The following CREBBP variants were observed in gnomAD, a reference collection of about 807,000 sequenced individuals.
CREBBP encodes CREB-binding protein.
A neutral mutation model predicts 265.0 loss-of-function variants in CREBBP; 19 were observed. The observed-to-expected ratio is 0.07, with a 90% CI of 0.05 to 0.11. CREBBP has a LOEUF of 0.11. Among genes scored for constraint, CREBBP ranks in the 10% least tolerant of loss-of-function variants. CREBBP has a pLI of 1.00. For missense variants in CREBBP, 2,525 were observed against 3,219.0 expected, an observed-to-expected ratio of 0.78 and a Z score of 5.22; for synonymous variants, 1,457 against 1,223.7, an observed-to-expected ratio of 1.19 and a Z score of -3.98.
Position 3,769,311 on chromosome 16 carries a change from G to T in CREBBP, c.2923C>A (p.Pro975Thr), listed in dbSNP as rs1395652583. ...GTTTCTGCGCTGGCCACCGAGGAGG[G>T]GGTAGGGACTCTGTTATCAATGCTG... ...AASIDNRVPTPSSVASAETNS... is the reference protein window; with the variant it reads ...AASIDNRVPTTSSVASAETNS... The change falls in exon 15 of 31, where the codon CCC becomes ACC. Residue 975 changes from proline to threonine, a missense_variant. Coordinates refer to ENST00000262367, the MANE Select transcript of CREBBP (RefSeq NM_004380.3). 1.9e-6 allele frequency: 3 copies of T among 1,614,144 alleles called. No individual in the cohort carries two copies. Among genetic ancestry groups the T allele is most frequent in the Non-Finnish European group, 2.5e-6 (3 of 1,180,034 alleles).
At chr16:3,734,902 C>G (rs1357262130) in intron 28 of CREBBP, among the ~76,000 whole-genome samples, 1 of 152,188 alleles carries the variant, frequency 6.6e-6, no homozygotes, top group African/African-American at 2.4e-5. Flanking sequence ...CCAGCCGGCT[C>G]CCGGCTGCCT....
intron 5 of CREBBP, among the ~76,000 whole-genome samples, chr16:3,787,421 T>C (rs909720986): frequency 2.0e-5 from 3 of 152,130 alleles, no homozygotes; most frequent in Non-Finnish European, 4.4e-5. Context: ...TCAGGGTCAA[T>C]CAAGCCCACC....
rs567249411 is a variant in CREBBP, at chr16:3,772,468, T to C, written c.2463+1283A>G. 4.2e-4 allele frequency among the ~76,000 whole-genome samples: 64 copies of C among 152,174 alleles called. 1 individual carries two copies. The highest frequency in any genetic ancestry group is 8.5e-4 in the Admixed American group (13 of 15,284). On this transcript the variant is annotated intron_variant, in intron 13 of 30. Coordinates refer to ENST00000262367, the MANE Select transcript of CREBBP (RefSeq NM_004380.3). ...TTTAAAAATGATTCTGAATCACTGT[T>C]CTAGAGCAGGGGTTGGCAATCTCCC...
chr16:3,757,794 A>C lies in CREBBP; in HGVS notation c.3609+15T>G. 6.2e-7 allele frequency: 1 copy of C among 1,613,818 alleles called. No homozygotes were observed. On this transcript the variant is annotated intron_variant, in intron 18 of 30. Coordinates refer to ENST00000262367, the MANE Select transcript of CREBBP (RefSeq NM_004380.3). ...ACCAGGAAAATTCACTTTCCGGAAA[A>C]ACTTAAAACTGTACCTTGCGTCCAC... is the stretch of plus-strand genomic sequence containing the variant.
At chr16:3,877,220 T>C (rs532025121) in intron 1 of CREBBP, among the ~76,000 whole-genome samples, 3 of 152,318 alleles carry the variant, frequency 2.0e-5, no homozygotes, top group Admixed American at 1.3e-4. Context: ...ATCCCGTCAC[T>C]AAAATAAGAT....
Position 3,731,386 on chromosome 16 carries a change from G to A in CREBBP, c.4978C>T (p.Leu1660Phe), listed in dbSNP as rs1364972669. 1 of 1,611,952 alleles carries A rather than the reference G, an allele frequency of 6.2e-7. No homozygotes were observed. The highest frequency in any genetic ancestry group is 8.5e-7 in the Non-Finnish European group (1 of 1,179,272). The change falls in exon 30 of 31, where the codon CTC becomes TTC. Residue 1660 changes from leucine to phenylalanine, a missense_variant. Around this residue, in one of 19 missense-constraint regions of CREBBP, gnomAD observed 37 missense variants for 34.1 expected, o/e 1.09. Coordinates refer to ENST00000262367, the MANE Select transcript of CREBBP (RefSeq NM_004380.3). The surrounding 1 kb of genome is among the most constrained non-coding windows in gnomAD (Gnocchi z 7.7). Reference sequence around the variant, plus strand: ...AGGAAGGCGTCGCGCCCATCCATGAGGTCACAGCTGAGCAGGGGGTCGGGG... The same window carrying A: ...AGGAAGGCGTCGCGCCCATCCATGAAGTCACAGCTGAGCAGGGGGTCGGGG... ...VDPDPLLSCD[L>F]MDGRDAFLTL...
At chr16:3,733,551 C>T (rs1197855153) in intron 28 of CREBBP, among the ~76,000 whole-genome samples, 1 of 152,130 alleles carries the variant, frequency 6.6e-6, no homozygotes, top group East Asian at 1.9e-4. Flanking sequence ...AGCAAATGTG[C>T]CACACTAAGG....
rs1049802361 is a variant in CREBBP at position 3,774,790 on chromosome 16, C to T, written c.2159-97G>A. 2.3e-5 allele frequency: 34 copies of T among 1,474,622 alleles called. No individual in the cohort carries two copies. In the East Asian group the frequency reaches 2.5e-4, roughly 11 times the overall value. The allele number at this position is 1,474,622 out of a possible 1,614,324, so 91.3% of individuals were successfully genotyped here. ...AACTCTTAAGTAAAATAAGATGGAA[C>T]GCACAGGCAACAGAAAACTGAAAAG... On this transcript the variant is annotated intron_variant, in intron 11 of 30. Transcript: ENST00000262367.
chr16:3,775,740 G>A (rs2053122313), intron 11 of CREBBP, among the ~76,000 whole-genome samples: 1 of 152,168 alleles, frequency 6.6e-6, no homozygotes, highest in Non-Finnish European at 1.5e-5. Context: ...TGTGCTGGTA[G>A]GGAGGTTGCT....
chr16:3,743,949 G>A (rs879501666), intron 23 of CREBBP, among the ~76,000 whole-genome samples: 2 of 152,000 alleles, frequency 1.3e-5, no homozygotes, highest in Non-Finnish European at 2.9e-5. Flanking sequence ...GGTGGCGGGC[G>A]CCTGTAGTCC....
At chr16:3,820,849 A>AGAATGTGACTTAGAAGAAGAGT (rs2054128677) in intron 2 of CREBBP, among the ~76,000 whole-genome samples, 1 of 152,218 alleles carries the variant, frequency 6.6e-6, no homozygotes, top group Non-Finnish European at 1.5e-5. Flanking sequence ...AGCCACGACC[A>AGAATGTGACTTAGAAGAAGAGT]GAATGTGACT....
chr16:3,852,143 C>T (rs2054860091), intron 1 of CREBBP, among the ~76,000 whole-genome samples: 1 of 139,640 alleles, frequency 7.2e-6, no homozygotes, highest in African/African-American at 2.7e-5. Flanking sequence ...GACAGTAAAG[C>T]CAATCTTAAA....
intron 2 of CREBBP, among the ~76,000 whole-genome samples, chr16:3,849,417 GTGTGTGTGTGTGTGT>G (rs1567359901): frequency 2.1e-3 from 15 of 7,110 alleles, no homozygotes; most frequent in African/African-American, 2.6e-3. Context: ...GTGTGTGTGT[GTGTGTGTGTGTGTGT>G]GTGTGTGTGT....
rs753500354 is a variant in CREBBP at position 3,728,399 on chromosome 16, T to TTGC, written c.6645_6647dup (p.Gln2216dup). 20 of 1,613,272 alleles carry TTGC rather than the reference T, an allele frequency of 1.2e-5. No homozygotes were observed. The highest frequency in any genetic ancestry group is 5.3e-5 in the African/African-American group (4 of 74,850). Reference sequence around the variant, plus strand: ...TGCCCCCAGCCATGCCGGCACTCCCTTGCTGCTGCTGCTGTTGCTGCTGTT... The same window carrying TTGC: ...TGCCCCCAGCCATGCCGGCACTCCCTTGCTGCTGCTGCTGCTGTTGCTGCTGTT... On this transcript the variant is annotated inframe_insertion, in exon 31 of 31. Transcript: ENST00000262367. The surrounding 1 kb of genome is among the most constrained non-coding windows in gnomAD (Gnocchi z 8.7).
At chr16:3,836,992 C>G (rs999898882) in intron 2 of CREBBP, among the ~76,000 whole-genome samples, 2 of 152,100 alleles carry the variant, frequency 1.3e-5, no homozygotes, top group African/African-American at 4.8e-5. Flanking sequence ...TACATAATAG[C>G]CGATAATGAT....
At chr16:3,842,587 A>C (rs185384650) in intron 2 of CREBBP, among the ~76,000 whole-genome samples, 9 of 152,306 alleles carry the variant, frequency 5.9e-5, no homozygotes, top group African/African-American at 2.2e-4. Context: ...AAAAAATAGT[A>C]ATATCATGTA....
At chr16:3,780,977 T>C in intron 7 of CREBBP, 99 bp from the exon 8 acceptor site, 1 of 1,426,312 alleles carries the variant, frequency 7.0e-7, no homozygotes, top group Admixed American at 1.9e-5. Context: ...CTTTTAAAAG[T>C]TTAAGTCAGG....
intron 8 of CREBBP, among the ~76,000 whole-genome samples, chr16:3,779,917 A>AAC (rs2141242520): frequency 6.6e-6 from 1 of 152,242 alleles, no homozygotes; most frequent in African/African-American, 2.4e-5. Flanking sequence ...CAGCTTGGGT[A>AAC]ACCTGGCAAG....
At chr16:3,758,103 A>G (rs893113327) in intron 17 of CREBBP, 55 bp from the exon 18 acceptor site, 1 of 1,594,598 alleles carries the variant, frequency 6.3e-7, no homozygotes, top group Admixed American at 1.7e-5. Context: ...TCCAAATGCC[A>G]GTCTCATCTG....
Sources: gnomAD v4.1 joint callset for allele counts (sites outside exome capture counted in the v4.1 genomes callset) on GRCh38, gnomAD v4.1.1 for gene constraint, gnomAD v4.1.1 regional missense constraint, Gnocchi (gnomAD v3.1) non-coding constraint, MANE v1.5 for transcripts, NCBI Gene and HGNC (gene_info 2026-07-23, HGNC 2026-07-21) for gene names.